Variants in MRPS11 observed in about 807,000 individuals in gnomAD.
The protein encoded by MRPS11 is mitochondrial ribosomal protein S11, also known as small ribosomal subunit protein uS11m.
A neutral mutation model predicts 24.3 loss-of-function variants in MRPS11; 27 were observed. The ratio of observed to expected loss-of-function variants is 1.11; its 90% CI spans 0.82 to 1.53. The LOEUF is 1.53. Among genes scored for constraint, MRPS11 ranks in the 40% most tolerant of loss-of-function variants. MRPS11 has a pLI of 0.00. For missense variants in MRPS11, 277 were observed against 256.5 expected, an observed-to-expected ratio of 1.08 and a Z score of -0.55; for synonymous variants, 104 against 98.7, an observed-to-expected ratio of 1.05 and a Z score of -0.32.
chr15:88,473,703 T>C (rs2055763004), intron 3 of MRPS11, among the ~76,000 whole-genome samples: 2 of 152,078 alleles, frequency 1.3e-5, no homozygotes, highest in Non-Finnish European at 1.5e-5. Flanking sequence ...GGATAACAAG[T>C]GGATGGCCCA....
chr15:88,477,789 G>A lies in MRPS11; in HGVS notation c.478-83G>A, dbSNP rs1273852359. 2 of 1,205,550 alleles carry A rather than the reference G, an allele frequency of 1.7e-6. No homozygotes were observed. The allele number at this position is 1,205,550 out of a possible 1,614,324, so 74.7% of individuals were successfully genotyped here. On this transcript the variant is annotated intron_variant, in intron 5 of 5. Coordinates refer to ENST00000325844, the MANE Select transcript of MRPS11 (RefSeq NM_022839.5). This position sits in a 1 kb window ranked among gnomAD's most constrained non-coding sequence, Gnocchi z 5.7. The stretch of plus-strand genomic sequence containing the variant: ...TCCGTTCCCTTCTCTACGCCACCCT[G>A]TCCCTCTCCGAACCCTGCCTGGAGA...
chr15:88,472,368 G>GT (rs1172617628), intron 2 of MRPS11: 2 of 389,314 alleles, frequency 5.1e-6, no homozygotes, highest in African/African-American at 4.1e-5. Context: ...CAAGGAAGAT[G>GT]GGGAGTATGC....
At chr15:88,476,626 T>C (rs1267408895) in intron 4 of MRPS11, 6 of 185,282 alleles carry the variant, frequency 3.2e-5, no homozygotes, top group Admixed American at 5.9e-5. Context: ...AGATTTTAAA[T>C]GATAATACTT....
At chr15:88,470,130 C>T (rs866608521) in intron 2 of MRPS11, among the ~76,000 whole-genome samples, 2 of 152,180 alleles carry the variant, frequency 1.3e-5, no homozygotes, top group East Asian at 3.9e-4. Context: ...ACCTGACCAA[C>T]ATGGTGAAAC....
intron 2 of MRPS11, among the ~76,000 whole-genome samples, chr15:88,471,842 T>C (rs145233825): frequency 9.2e-5 from 14 of 152,346 alleles, no homozygotes; most frequent in African/African-American, 3.4e-4. Context: ...ATTTGCAACA[T>C]TGATTTCCAT....
rs1315172239 is a variant in MRPS11 at position 88,472,612 on chromosome 15, T to A, written c.183-15T>A. On this transcript the variant is annotated splice_polypyrimidine_tract_variant and intron_variant, in intron 2 of 5. Coordinates refer to ENST00000325844, the MANE Select transcript of MRPS11 (RefSeq NM_022839.5). ...GTCGAGACAATTTTAAATAAAATCTTTCTTCTAATTGCAGCATTTACCCTC... is the reference window on the plus strand; with the variant it reads ...GTCGAGACAATTTTAAATAAAATCTATCTTCTAATTGCAGCATTTACCCTC... 1 of 1,596,632 alleles carries A rather than the reference T, an allele frequency of 6.3e-7. No homozygotes were observed. Among genetic ancestry groups the A allele is most frequent in the African/African-American group, 1.3e-5 (1 of 74,292 alleles).
Position 88,477,812 on chromosome 15 carries a change from A to G in MRPS11, c.478-60A>G. ...CTGTCCCTCTCCGAACCCTGCCTGG[A>G]GACACTGGATCATCATTTCTGGGAC... On this transcript the variant is annotated intron_variant, in intron 5 of 5. Transcript: ENST00000325844. The surrounding 1 kb of genome is among the most constrained non-coding windows in gnomAD (Gnocchi z 5.7). The G allele has an allele frequency of 6.7e-7, 1 of 1,487,506 alleles. No individual in the cohort carries two copies. The highest frequency in any genetic ancestry group is 9.3e-7 in the Non-Finnish European group (1 of 1,069,802). The allele number at this position is 1,487,506 out of a possible 1,614,324, so 92.1% of individuals were successfully genotyped here.
rs1188343692 is a variant in MRPS11, at chr15:88,475,099, A to G, written c.282-11A>G. 10 of 1,614,056 alleles carry G rather than the reference A, an allele frequency of 6.2e-6. No individual in the cohort carries two copies. Among genetic ancestry groups the G allele is most frequent in the East Asian group, 2.2e-5 (1 of 44,872 alleles). On this transcript the variant is annotated splice_polypyrimidine_tract_variant and intron_variant, in intron 3 of 5. Coordinates refer to ENST00000325844, the MANE Select transcript of MRPS11 (RefSeq NM_022839.5). This position sits in a 1 kb window ranked among gnomAD's most constrained non-coding sequence, Gnocchi z 4.1. Reference sequence around the variant, plus strand: ...GAGTTGTATCCTATGTGCTTCTTCTACTTTTCTCAGCACACAGATCCAGGT... The same window carrying G: ...GAGTTGTATCCTATGTGCTTCTTCTGCTTTTCTCAGCACACAGATCCAGGT...
At chr15:88,468,075 G>C (rs768481915) in intron 2 of MRPS11, 51 bp downstream of exon 2, 51 of 1,554,610 alleles carry the variant, frequency 3.3e-5, no homozygotes, top group Non-Finnish European at 4.3e-5. Context: ...CCTGACTCTT[G>C]CCCGACACCC....
Position 88,472,636 on chromosome 15 carries a change from T to A in MRPS11, c.192T>A (p.Pro64=). 6.2e-7 allele frequency: 1 copy of A among 1,613,174 alleles called. No individual in the cohort carries two copies. Among genetic ancestry groups the A allele is most frequent in the East Asian group, 2.2e-5 (1 of 44,874 alleles). ...APSHTKFSIY[P]PIPGEESSLR... Reference sequence around the variant, plus strand: ...TTTCTTCTAATTGCAGCATTTACCCTCCCATTCCAGGAGAGGAGAGCTCTC... The same window carrying A: ...TTTCTTCTAATTGCAGCATTTACCCACCCATTCCAGGAGAGGAGAGCTCTC... The change falls in exon 3 of 6, where the codon CCT becomes CCA. Residue 64 remains proline, a synonymous_variant. Coordinates refer to ENST00000325844, the MANE Select transcript of MRPS11 (RefSeq NM_022839.5).
intron 4 of MRPS11, among the ~76,000 whole-genome samples, chr15:88,476,038 G>A (rs2055816180): frequency 6.6e-6 from 1 of 152,148 alleles, no homozygotes; most frequent in Admixed American, 6.5e-5. Flanking sequence ...TAGTATCGTG[G>A]GGACTCATGC....
rs185895652 is a variant in MRPS11, at chr15:88,467,740, G to T, written c.23G>T (p.Gly8Val). 7.4e-6 allele frequency: 12 copies of T among 1,614,064 alleles called. No individual in the cohort carries two copies. The highest frequency in any genetic ancestry group is 6.7e-5 in the Admixed American group (4 of 60,022). ...GTCATGCAGGCTGTGAGAAACGCGG[G>T]GTCGCGGTTCCTGCGGTCCTGGACT... MQAVRNAGSRFLRSWTWP... is the reference protein window; with the variant it reads MQAVRNAVSRFLRSWTWP... Residue 8 changes from glycine to valine, a missense_variant, in exon 1 of 6, where the codon GGG becomes GTG. Physicochemically the swap from Gly to Val is moderately radical, Grantham distance 109. Coordinates refer to ENST00000325844, the MANE Select transcript of MRPS11 (RefSeq NM_022839.5).
chr15:88,477,725 T>A lies in MRPS11; in HGVS notation c.478-147T>A, dbSNP rs2055851099. 1.4e-6 allele frequency: 1 copy of A among 720,766 alleles called. No homozygotes were observed. The highest frequency in any genetic ancestry group is 2.5e-6 in the Non-Finnish European group (1 of 405,468). 44.6% of individuals were successfully genotyped at this position (720,766 alleles called of 1,614,324 possible). The stretch of plus-strand genomic sequence containing the variant: ...GACCTTTGTGAGAGTAGAATAGGAT[T>A]GGGATTATAGGTATCAAAGCCAGTG... On this transcript the variant is annotated intron_variant, in intron 5 of 5. Coordinates refer to ENST00000325844, the MANE Select transcript of MRPS11 (RefSeq NM_022839.5). This position sits in a 1 kb window ranked among gnomAD's most constrained non-coding sequence, Gnocchi z 5.7.
Position 88,475,056 on chromosome 15 carries a change from T to C in MRPS11, c.282-54T>C. 1 of 1,603,576 alleles carries C rather than the reference T, an allele frequency of 6.2e-7. No homozygotes were observed. The highest frequency in any genetic ancestry group is 8.5e-7 in the Non-Finnish European group (1 of 1,173,650). On this transcript the variant is annotated intron_variant, in intron 3 of 5. Transcript: ENST00000325844. This position sits in a 1 kb window ranked among gnomAD's most constrained non-coding sequence, Gnocchi z 4.1. ...CTTCTAGGGGCATAGATTAGCTCTCTCTTATTTCCCTGAAGAAGAGTTGTA... is the reference window on the plus strand; with the variant it reads ...CTTCTAGGGGCATAGATTAGCTCTCCCTTATTTCCCTGAAGAAGAGTTGTA...
rs567608775 is a variant in MRPS11, at chr15:88,480,327, G to A, written c.*2348G>A. ...ACTCCTGGGCTCAAGTGATCCTCCA[G>A]CTTCAGCCTCCTGTGAGCATCTGGG... is the stretch of plus-strand genomic sequence containing the variant. On this transcript the variant is annotated 3_prime_UTR_variant, in exon 6 of 6. Transcript: ENST00000325844. The surrounding 1 kb of genome is among the most constrained non-coding windows in gnomAD (Gnocchi z 5.1). 1.3e-5 allele frequency: 2 copies of A among 152,218 alleles called. No homozygotes were observed. Among genetic ancestry groups the A allele is most frequent in the African/African-American group, 4.8e-5 (2 of 41,454 alleles). 9.4% of individuals were successfully genotyped at this position (152,218 alleles called of 1,614,324 possible). A position where few individuals can be genotyped will look rare whatever the true frequency, so the allele number is the denominator to read the frequency against.
At chr15:88,468,778 G>A (rs2055614384) in intron 2 of MRPS11, 1 of 154,258 alleles carries the variant, frequency 6.5e-6, no homozygotes, top group Non-Finnish European at 1.4e-5. Context: ...AGGCGGCCAA[G>A]GTGGGCGAAT....
rs766119679 is a variant in MRPS11, at chr15:88,477,888, T to C, written c.494T>C (p.Leu165Pro). 6.2e-7 allele frequency: 1 copy of C among 1,614,088 alleles called. No homozygotes were observed. The change falls in exon 6 of 6, where the codon CTG becomes CCG. Residue 165 changes from leucine to proline, a missense_variant. Transcript: ENST00000325844. The surrounding 1 kb of genome is among the most constrained non-coding windows in gnomAD (Gnocchi z 5.7). ...TCCTTCCAGTCTGCCATGCACGGAC[T>C]GATCATGGGCGGCCTGGAAGTGATC... The part of the protein sequence containing the change: ...GPGRLSAMHG[L>P]IMGGLEVISI...
rs199544350 is a variant in MRPS11, at chr15:88,477,071, T to A, written c.477+17T>A. The A allele has an allele frequency of 6.3e-4, 1,015 of 1,612,906 alleles. 5 individuals are homozygous for A. The highest frequency in any genetic ancestry group is 4.9e-4 in the Middle Eastern group (3 of 6,062). ...GGACGCTTGGTAAGTTACAGTGATT[T>A]CCATAGTGTACTTGCCTCCTAGTAA... is the stretch of plus-strand genomic sequence containing the variant. On this transcript the variant is annotated intron_variant, in intron 5 of 5. Coordinates refer to ENST00000325844, the MANE Select transcript of MRPS11 (RefSeq NM_022839.5). This position sits in a 1 kb window ranked among gnomAD's most constrained non-coding sequence, Gnocchi z 5.7.
intron 3 of MRPS11, among the ~76,000 whole-genome samples, chr15:88,473,320 A>AGCATT (rs1440891786): frequency 2.0e-5 from 3 of 152,210 alleles, no homozygotes; most frequent in Non-Finnish European, 2.9e-5. Context: ...TGCCAACAGA[A>AGCATT]GCATTGCTGG....
Sources: allele counts gnomAD v4.1 joint callset (sites outside exome capture counted in the v4.1 genomes callset), GRCh38; gene constraint gnomAD v4.1.1; non-coding constraint Gnocchi (gnomAD v3.1); transcripts MANE v1.5; gene names NCBI Gene and HGNC (gene_info 2026-07-23, HGNC 2026-07-21).